GRAMD2B: variants seen among roughly 807,000 people sequenced by gnomAD.
The protein encoded by GRAMD2B is GRAM domain-containing protein 2B.
Under a neutral mutation model 59.2 loss-of-function variants are expected in GRAMD2B, and 41 were observed. The ratio of observed to expected loss-of-function variants is 0.69; its 90% confidence interval spans 0.54 to 0.90. The LOEUF (loss-of-function observed/expected upper bound fraction) is 0.90, where lower values mean the gene tolerates loss of function less well. Ranked by LOEUF, GRAMD2B falls within the 40% of genes least tolerant of loss-of-function variation. The pLI is 0.00. For synonymous variants in GRAMD2B, 161 were observed against 182.7 expected (o/e 0.88, Z 0.96); for missense variants, 424 against 500.5 (o/e 0.85, Z 1.46).
chr5:126,489,184 C>CT lies in GRAMD2B; in HGVS notation c.1257+293dup, dbSNP rs1412399610. On this transcript the variant is annotated intron_variant, in intron 13 of 13. Transcript: ENST00000285689. ...CACAGGGCCCAGTGGTAAGTGACTA[C>CT]TGACATCGGAGCTTAATGTAGGGAC... Among the ~76,000 whole-genome samples the CT allele has an allele frequency of 2.5e-4, 38 of 152,322 alleles. 2 individuals are homozygous for CT. The South Asian group carries it at 7.7e-3, about 31-fold the overall frequency.
At chr5:126,411,618 ATT>A (rs2149758155) in intron 1 of GRAMD2B, among the ~76,000 whole-genome samples, 1 of 152,050 alleles carries the variant, frequency 6.6e-6, no homozygotes, top group South Asian at 2.1e-4. Flanking sequence ...ATTTTAGAGT[ATT>A]TTTTTCTTAT....
intron 1 of GRAMD2B, among the ~76,000 whole-genome samples, chr5:126,407,910 T>C (rs1300382842): frequency 2.0e-5 from 3 of 152,072 alleles, no homozygotes; most frequent in African/African-American, 7.2e-5. Flanking sequence ...AATGATTCTA[T>C]ATTATTTTTG....
intron 1 of GRAMD2B, among the ~76,000 whole-genome samples, chr5:126,441,605 A>G (rs1164515471): frequency 2.0e-5 from 3 of 152,188 alleles, no homozygotes; most frequent in Non-Finnish European, 4.4e-5. Context: ...AGGCCATTTG[A>G]TCATGCCATA....
chr5:126,491,761 T>C (rs1773981439), intron 13 of GRAMD2B, among the ~76,000 whole-genome samples: 1 of 151,772 alleles, frequency 6.6e-6, no homozygotes, highest in Non-Finnish European at 1.5e-5. Flanking sequence ...CAAGACAGAG[T>C]CTTGCTCTGT....
chr5:126,367,999 C>A (rs182866008), upstream of GRAMD2B, among the ~76,000 whole-genome samples: 1 of 152,210 alleles, frequency 6.6e-6, no homozygotes, highest in African/African-American at 2.4e-5. Flanking sequence ...GATCTGCCCG[C>A]GTCGGCCTCC....
intron 1 of GRAMD2B, among the ~76,000 whole-genome samples, chr5:126,425,114 T>C (rs1413388692): frequency 1.3e-5 from 2 of 152,202 alleles, no homozygotes; most frequent in African/African-American, 4.8e-5. Context: ...AGCATGCACA[T>C]CTTTTATAGC....
At chr5:126,422,118 A>G (rs73783689), upstream of GRAMD2B, among the ~76,000 whole-genome samples, 295 of 152,310 alleles carry the variant, frequency 1.9e-3, 2 homozygotes, top group African/African-American at 6.8e-3. Context: ...AGCTTGCCCA[A>G]CCTGCAGCCC....
At chr5:126,462,897 T>A (rs936001326) in intron 1 of GRAMD2B, among the ~76,000 whole-genome samples, 10 of 152,254 alleles carry the variant, frequency 6.6e-5, no homozygotes, top group Non-Finnish European at 1.5e-4. Context: ...AGAAAAAAGC[T>A]ACTTTGAGTA....
chr5:126,383,346 T>C (rs1755822915), intron 1 of GRAMD2B, among the ~76,000 whole-genome samples: 1 of 152,054 alleles, frequency 6.6e-6, no homozygotes, highest in East Asian at 1.9e-4. Context: ...GTTCTAGGAG[T>C]TGCCTCCTTG....
At chr5:126,383,118 C>T (rs1304239006) in intron 1 of GRAMD2B, among the ~76,000 whole-genome samples, 6 of 152,250 alleles carry the variant, frequency 3.9e-5, no homozygotes, top group South Asian at 2.1e-4. Flanking sequence ...AAGTAAACTC[C>T]GTGACTTATT....
upstream of GRAMD2B, among the ~76,000 whole-genome samples, chr5:126,366,615 C>T (rs915785659): frequency 6.6e-6 from 1 of 152,142 alleles, no homozygotes; most frequent in African/African-American, 2.4e-5. Flanking sequence ...TACAAAAGCT[C>T]AGAGTAGTTA....
At chr5:126,362,155 C>T (rs1754249303) in intron 1 of GRAMD2B, among the ~76,000 whole-genome samples, 1 of 152,150 alleles carries the variant, frequency 6.6e-6, no homozygotes, top group African/African-American at 2.4e-5. Flanking sequence ...ATGTTTATGA[C>T]CTGACTCACG....
At chr5:126,417,662 G>T (rs1189565033) in intron 1 of GRAMD2B, among the ~76,000 whole-genome samples, 6 of 152,216 alleles carry the variant, frequency 3.9e-5, no homozygotes, top group Non-Finnish European at 8.8e-5. Flanking sequence ...GTGGTTAGTT[G>T]TACACCAACA....
At chr5:126,374,272 G>A (rs193155959) in intron 1 of GRAMD2B, among the ~76,000 whole-genome samples, 1 of 152,328 alleles carries the variant, frequency 6.6e-6, no homozygotes, top group East Asian at 1.9e-4. Flanking sequence ...TGCAAGGTGT[G>A]AAATGGTAAC....
chr5:126,442,418 G>A (rs1763454135), intron 1 of GRAMD2B, among the ~76,000 whole-genome samples: 1 of 151,072 alleles, frequency 6.6e-6, no homozygotes, highest in Non-Finnish European at 1.5e-5. Context: ...AGCCTCCCTA[G>A]TAGCCTGGGA....
chr5:126,416,110 G>C (rs1323237109), intron 1 of GRAMD2B, among the ~76,000 whole-genome samples: 1 of 152,142 alleles, frequency 6.6e-6, no homozygotes, highest in Non-Finnish European at 1.5e-5. Context: ...GTTTCTCTGA[G>C]AAAATATGAG....
At chr5:126,447,098 T>A (rs1022104910) in intron 1 of GRAMD2B, among the ~76,000 whole-genome samples, 5 of 152,226 alleles carry the variant, frequency 3.3e-5, no homozygotes, top group African/African-American at 1.2e-4. Context: ...GAAATGTTCC[T>A]TCTTTCGCCA....
Position 126,485,679 on chromosome 5 carries a change from C to T in GRAMD2B, c.971-7C>T. The T allele has an allele frequency of 6.3e-7, 1 of 1,598,932 alleles. No individual in the cohort carries two copies. Among genetic ancestry groups the T allele is most frequent in the Non-Finnish European group, 8.6e-7 (1 of 1,169,386 alleles). On this transcript the variant is annotated splice_region_variant and splice_polypyrimidine_tract_variant and intron_variant, in intron 10 of 13. Coordinates refer to ENST00000285689, the MANE Select transcript of GRAMD2B (RefSeq NM_023927.4). ...TAAACAGTTGTTTTTTGTTTTCCTCCCAACAGGTCTGTCAGAAACTGTTGG... is the reference window on the plus strand; with the variant it reads ...TAAACAGTTGTTTTTTGTTTTCCTCTCAACAGGTCTGTCAGAAACTGTTGG...
chr5:126,417,414 A>T (rs1759353396), intron 1 of GRAMD2B, among the ~76,000 whole-genome samples: 1 of 152,228 alleles, frequency 6.6e-6, no homozygotes, highest in African/African-American at 2.4e-5. Context: ...CAGACACTGA[A>T]ATGCTCAGCT....
Sources: gnomAD v4.1 joint callset for allele counts (sites outside exome capture counted in the v4.1 genomes callset) on GRCh38, gnomAD v4.1.1 for gene constraint, MANE v1.5 for transcripts, NCBI Gene and HGNC (gene_info 2026-07-23, HGNC 2026-07-21) for gene names.